Variants in JPH2 observed in about 807,000 individuals in gnomAD.
JPH2 encodes junctophilin-2.
JPH2 carries 38 observed loss-of-function variants against 55.9 expected under a neutral mutation model. The observed-to-expected ratio is 0.68, with a 90% CI of 0.52 to 0.89. JPH2 has a LOEUF of 0.89. Ranked by LOEUF, JPH2 falls within the 40% of genes least tolerant of loss-of-function variation. The probability of loss-of-function intolerance (pLI) is 0.00; values close to 1 mark genes in which losing one functional copy is unlikely to be tolerated. For missense variants in JPH2, 964 were observed against 1,037.6 expected, an observed-to-expected ratio of 0.93 and a Z score of 0.97; for synonymous variants, 480 against 472.4, an observed-to-expected ratio of 1.02 and a Z score of -0.21.
At chr20:44,116,499 T>G in intron 3 of JPH2, 113 bp from the exon 4 acceptor site, 1 of 1,216,208 alleles carries the variant, frequency 8.2e-7, no homozygotes, top group Non-Finnish European at 1.2e-6. Flanking sequence ...GGCACTCACA[T>G]AGCACTGACC....
In JPH2 at chr20:44,115,959, G is replaced by A; in HGVS notation, c.1716C>T (p.Arg572=). ...AGGGTGGGGGCTCGGGCGGCGTGGT[G>A]CGCACAGCATAGCTGTGGTAGCCCT... ...LYQGYHSYAV[R]TTPPEPPPFE... is the part of the protein sequence containing the mutation. The change falls in exon 4 of 6, where the codon CGC becomes CGT. Residue 572 remains arginine (R), a synonymous_variant. Coordinates refer to ENST00000372980, the MANE Select transcript of JPH2 (RefSeq NM_020433.5). 1 of 1,572,652 alleles carries A rather than the reference G, an allele frequency of 6.4e-7. No individual in the cohort carries two copies. The highest frequency in any genetic ancestry group is 8.6e-7 in the Non-Finnish European group (1 of 1,166,622).
chr20:44,126,542 C>A (rs1036854615), intron 2 of JPH2, among the ~76,000 whole-genome samples: 1 of 152,146 alleles, frequency 6.6e-6, no homozygotes, highest in African/African-American at 2.4e-5. Flanking sequence ...CCCAGAACAA[C>A]CATGGTCAGG....
At chr20:44,117,002 T>C (rs906703688) in intron 3 of JPH2, among the ~76,000 whole-genome samples, 1 of 152,184 alleles carries the variant, frequency 6.6e-6, no homozygotes, top group Non-Finnish European at 1.5e-5. Flanking sequence ...CCTTCATGGC[T>C]GGGCGCGGTG....
intron 2 of JPH2, among the ~76,000 whole-genome samples, chr20:44,150,212 G>A (rs1301229735): frequency 3.3e-5 from 5 of 152,104 alleles, no homozygotes; most frequent in Non-Finnish European, 5.9e-5. Flanking sequence ...AAAAAATGAG[G>A]AGGATGGTTC....
At chr20:44,174,889 A>T (rs1367369836) in intron 1 of JPH2, among the ~76,000 whole-genome samples, 1 of 152,140 alleles carries the variant, frequency 6.6e-6, no homozygotes, top group Admixed American at 6.5e-5. Context: ...GCTACTCAGG[A>T]GGCTGACATG....
chr20:44,127,611 G>A (rs951823002), intron 2 of JPH2, among the ~76,000 whole-genome samples: 8 of 151,086 alleles, frequency 5.3e-5, no homozygotes, highest in East Asian at 3.9e-4. Context: ...TCAGCCTCCC[G>A]AGTACCTGGG....
chr20:44,130,897 G>GATTCC (rs1333483449), intron 2 of JPH2, among the ~76,000 whole-genome samples: 1 of 152,142 alleles, frequency 6.6e-6, no homozygotes, highest in African/African-American at 2.4e-5. Flanking sequence ...ACACAATAAA[G>GATTCC]ATTCCATTTT....
chr20:44,162,165 C>T (rs2072615305), intron 1 of JPH2, among the ~76,000 whole-genome samples: 1 of 152,036 alleles, frequency 6.6e-6, no homozygotes, highest in African/African-American at 2.4e-5. Context: ...GATACATTCT[C>T]CCTAGTTAAC....
intron 2 of JPH2, among the ~76,000 whole-genome samples, chr20:44,149,045 A>G (rs1232449416): frequency 1.3e-5 from 2 of 151,320 alleles, no homozygotes; most frequent in Non-Finnish European, 2.9e-5. Context: ...CCAGCCTGGC[A>G]ACAGAGCAAG....
chr20:44,149,356 T>G (rs2072514872), intron 2 of JPH2, among the ~76,000 whole-genome samples: 1 of 152,228 alleles, frequency 6.6e-6, no homozygotes, highest in African/African-American at 2.4e-5. Flanking sequence ...GGCAGACCGC[T>G]CCCAGCTCTC....
intron 2 of JPH2, among the ~76,000 whole-genome samples, chr20:44,124,184 A>G (rs1314881074): frequency 1.3e-5 from 2 of 151,984 alleles, no homozygotes; most frequent in African/African-American, 4.8e-5. Context: ...CAACTTCTAA[A>G]AGCACCTGCC....
At chr20:44,163,238 C>T (rs1296012206) in intron 1 of JPH2, among the ~76,000 whole-genome samples, 10 of 152,156 alleles carry the variant, frequency 6.6e-5, no homozygotes, top group African/African-American at 2.4e-4. Context: ...GGCTGACTGA[C>T]TAAACCTGTT....
rs769659929 is a variant in JPH2, at chr20:44,186,544, C to T, written c.162G>A (p.Trp54Ter). ...ATCCCTCAAAGGTGTTTCCGCTGGGCCAGGTGTAGACACCTGCCACCTCAA... is the reference window on the plus strand; with the variant it reads ...ATCCCTCAAAGGTGTTTCCGCTGGGTCAGGTGTAGACACCTGCCACCTCAA... ...FGFEVAGVYT[W>*]PSGNTFEGYW... Residue 54 changes from tryptophan to a stop codon, truncating the protein, a stop_gained, in exon 1 of 6, where the codon TGG becomes TGA. Coordinates refer to ENST00000372980, the MANE Select transcript of JPH2 (RefSeq NM_020433.5). LOFTEE classifies it high-confidence loss of function. 6.2e-7 allele frequency: 1 copy of T among 1,613,786 alleles called. No homozygotes were observed. The highest frequency in any genetic ancestry group is 1.1e-5 in the South Asian group (1 of 91,082).
intron 2 of JPH2, among the ~76,000 whole-genome samples, chr20:44,134,059 T>C (rs1306323823): frequency 4.0e-5 from 1 of 25,012 alleles, no homozygotes; most frequent in African/African-American, 1.9e-4. Flanking sequence ...TATATATTTA[T>C]TATAAATATA....
chr20:44,124,845 C>T (rs6513914), intron 2 of JPH2, among the ~76,000 whole-genome samples: 14,457 of 151,526 alleles, frequency 0.095, 780 homozygotes, highest in African/African-American at 0.14. Context: ...TGGTGGCTCA[C>T]GCATGTAATC....
In JPH2 at chr20:44,145,809, C is replaced by G. The variant is rs1358075090; in HGVS notation, c.1169+13809G>C. On this transcript the variant is annotated intron_variant, in intron 2 of 5. Transcript: ENST00000372980. Reference sequence around the variant, plus strand: ...CCTTCCAGCCACACTCCTCTCTGCTCTGACCCCGACTCCCTGCACAACCCT... The same window carrying G: ...CCTTCCAGCCACACTCCTCTCTGCTGTGACCCCGACTCCCTGCACAACCCT... Among the ~76,000 whole-genome samples, 5 of 152,156 alleles carry G rather than the reference C, an allele frequency of 3.3e-5. No homozygotes were observed. The East Asian group carries it at 9.7e-4, about 29-fold the overall frequency.
In JPH2 at chr20:44,116,091, C is replaced by G. The variant is rs1246003702; in HGVS notation, c.1584G>C (p.Glu528Asp). ...GCGCGGGGCTGCGGCGGCCCGCGCC[C>G]TCGGACGGAGTGACTGACCGGCTGC... ...GEGSRSVTPSEGAGRRSPARP... is the reference protein window; with the variant it reads ...GEGSRSVTPSDGAGRRSPARP... Residue 528 changes from glutamate to aspartate, a missense_variant, in exon 4 of 6, where the codon GAG becomes GAC. Physicochemically the swap from Glu to Asp is conservative, Grantham distance 45. Coordinates refer to ENST00000372980, the MANE Select transcript of JPH2 (RefSeq NM_020433.5). The G allele has an allele frequency of 3.3e-6, 5 of 1,507,302 alleles. No individual in the cohort carries two copies. The highest frequency in any genetic ancestry group is 4.4e-6 in the Non-Finnish European group (5 of 1,139,620). The allele number at this position is 1,507,302 out of a possible 1,614,324, so 93.4% of individuals were successfully genotyped here.
chr20:44,151,110 G>A (rs2425624), intron 2 of JPH2, among the ~76,000 whole-genome samples: 63,551 of 152,110 alleles, frequency 0.42, 15,145 homozygotes, highest in Non-Finnish European at 0.53. Context: ...GGGTACTTGC[G>A]TGTTCATTAT....
rs750828996 is a variant in JPH2, at chr20:44,115,808, C to G, written c.1867G>C (p.Glu623Gln). 26 of 1,605,936 alleles carry G rather than the reference C, an allele frequency of 1.6e-5. No individual in the cohort carries two copies. Among genetic ancestry groups the G allele is most frequent in the Non-Finnish European group, 2.2e-5 (26 of 1,179,154 alleles). The change falls in exon 4 of 6, where the codon GAG (glutamate) becomes CAG (glutamine). Residue 623 changes from glutamate (E) to glutamine (Q), a missense_variant. Glu to Gln is a conservative substitution (Grantham distance 29, BLOSUM62 2). Transcript: ENST00000372980. ...GCTTTGGGGATGATGGGCTTGGGCT[C>G]CAGCTTGGCGGGGGTCTCGCGTGCA... ...EPARETPAKL[E>Q]PKPIIPKAEP... is the part of the protein sequence containing the mutation.
Sources: allele counts gnomAD v4.1 joint callset (sites outside exome capture counted in the v4.1 genomes callset), GRCh38; gene constraint gnomAD v4.1.1; transcripts MANE v1.5; gene names NCBI Gene and HGNC (gene_info 2026-07-23, HGNC 2026-07-21).